The following TMCC1 variants were observed in gnomAD, a reference collection of about 807,000 sequenced individuals.
TMCC1 encodes transmembrane and coiled-coil domain family 1.
TMCC1 carries 15 observed loss-of-function variants against 52.4 expected under a neutral mutation model. The ratio of observed to expected loss-of-function variants is 0.29; its 90% CI spans 0.19 to 0.44. TMCC1 has a LOEUF of 0.44. Ranked by LOEUF, TMCC1 falls within the 20% of genes least tolerant of loss-of-function variation. The pLI, the probability that TMCC1 is intolerant of heterozygous loss-of-function variation, is 1.00. For synonymous variants in TMCC1, 279 were observed against 301.9 expected, an observed-to-expected ratio of 0.92 and a Z score of 0.79; for missense variants, 503 against 806.0, an observed-to-expected ratio of 0.62 and a Z score of 4.55.
At chr3:129,785,299 T>G (rs974522192) in intron 4 of TMCC1, among the ~76,000 whole-genome samples, 4 of 152,168 alleles carry the variant, frequency 2.6e-5, no homozygotes, top group African/African-American at 4.8e-5. Context: ...ACCTAACTCA[T>G]GACCCCCAAT....
intron 5 of TMCC1, 85 bp downstream of exon 5, chr3:129,670,243 TAA>T: frequency 7.1e-7 from 1 of 1,405,434 alleles, no homozygotes; most frequent in South Asian, 1.4e-5. Context: ...TAGAGAAAGA[TAA>T]AGACTTTTAA....
chr3:129,654,880 C>T, intron 6 of TMCC1, 88 bp downstream of exon 6: 7 of 1,404,174 alleles, frequency 5.0e-6, no homozygotes, highest in Non-Finnish European at 3.9e-6. Context: ...TTGTTCTCTA[C>T]CTTCTCATCT....
At chr3:129,720,492 AAAACCTTGAGAGGT>A (rs2049484866) in intron 4 of TMCC1, among the ~76,000 whole-genome samples, 1 of 152,120 alleles carries the variant, frequency 6.6e-6, no homozygotes, top group Non-Finnish European at 1.5e-5. Context: ...AAAATAAAAT[AAAACCTTGAGAGGT>A]CCAGCCAACA....
intron 4 of TMCC1, among the ~76,000 whole-genome samples, chr3:129,713,079 T>C (rs542350826): frequency 7.9e-5 from 12 of 151,736 alleles, no homozygotes; most frequent in African/African-American, 2.4e-4. Flanking sequence ...CTGGGCAACA[T>C]AGTGAGACCC....
intron 4 of TMCC1, among the ~76,000 whole-genome samples, chr3:129,795,537 GGAA>G (rs1205376584): frequency 1.3e-5 from 2 of 152,060 alleles, no homozygotes; most frequent in Non-Finnish European, 2.9e-5. Context: ...AGCCTTTGTT[GGAA>G]TGAACCTACT....
chr3:129,795,998 C>T (rs1263867802), intron 4 of TMCC1, among the ~76,000 whole-genome samples: 1 of 152,176 alleles, frequency 6.6e-6, no homozygotes, highest in Non-Finnish European at 1.5e-5. Flanking sequence ...TCTTACTATG[C>T]CTAATTTCTG....
chr3:129,841,337 G>A (rs774810067), intron 2 of TMCC1, among the ~76,000 whole-genome samples: 9 of 152,116 alleles, frequency 5.9e-5, no homozygotes, highest in Non-Finnish European at 1.2e-4. Flanking sequence ...CTGTAATCCC[G>A]GCACTTTGGG....
intron 3 of TMCC1, among the ~76,000 whole-genome samples, chr3:129,831,645 G>T (rs1261088535): frequency 1.3e-5 from 2 of 152,094 alleles, no homozygotes; most frequent in Non-Finnish European, 2.9e-5. Context: ...AATCTTTAAG[G>T]CCACCAAAGT....
chr3:129,675,262 C>T (rs1259346594), intron 4 of TMCC1, among the ~76,000 whole-genome samples: 1 of 152,186 alleles, frequency 6.6e-6, no homozygotes, highest in Non-Finnish European at 1.5e-5. Flanking sequence ...CAAGGAAAGG[C>T]ACAAATCCAA....
chr3:129,762,359 T>C (rs2053681778), intron 4 of TMCC1, among the ~76,000 whole-genome samples: 1 of 152,122 alleles, frequency 6.6e-6, no homozygotes, highest in African/African-American at 2.4e-5. Flanking sequence ...CAAATGTTTT[T>C]ATGTGACTAC....
intron 4 of TMCC1, among the ~76,000 whole-genome samples, chr3:129,763,771 A>G (rs141385452): frequency 2.0e-5 from 3 of 151,922 alleles, no homozygotes; most frequent in Admixed American, 6.6e-5. Flanking sequence ...GGTTGTAGTG[A>G]GCTAAGATAG....
Position 129,833,944 on chromosome 3 carries a change from T to C in TMCC1, c.-183-1118A>G, listed in dbSNP as rs910610920. Reference sequence around the variant, plus strand: ...ATTTTTGAGACATCTGCCATGTACCTAGCATTATACAGACCAAATAAAGCA... The same window carrying C: ...ATTTTTGAGACATCTGCCATGTACCCAGCATTATACAGACCAAATAAAGCA... On this transcript the variant is annotated intron_variant, in intron 2 of 6. Transcript: ENST00000393238. Among the ~76,000 whole-genome samples the C allele has an allele frequency of 2.0e-5, 3 of 152,174 alleles. No individual in the cohort carries two copies. In the East Asian group the frequency reaches 5.8e-4, roughly 29 times the overall value.
intron 4 of TMCC1, among the ~76,000 whole-genome samples, chr3:129,749,176 A>C (rs185839515): frequency 1.2e-3 from 179 of 152,110 alleles, no homozygotes; most frequent in African/African-American, 3.7e-3. Context: ...TATATTAGTA[A>C]GGAATCTGGG....
At chr3:129,712,965 T>C (rs894826514) in intron 4 of TMCC1, among the ~76,000 whole-genome samples, 2 of 152,098 alleles carry the variant, frequency 1.3e-5, no homozygotes, top group African/African-American at 2.4e-5. Flanking sequence ...AATCTTCATT[T>C]AAGAGACAAC....
chr3:129,676,368 A>G lies in TMCC1; in HGVS notation c.577-5104T>C, dbSNP rs532007712. Among the ~76,000 whole-genome samples the G allele has an allele frequency of 1.1e-4, 17 of 152,356 alleles. No individual in the cohort carries two copies. In the South Asian group the frequency reaches 1.7e-3, roughly 15 times the overall value. On this transcript the variant is annotated intron_variant, in intron 4 of 6. Coordinates refer to ENST00000393238, the MANE Select transcript of TMCC1 (RefSeq NM_001017395.5). Reference sequence around the variant, plus strand: ...GGCAATGCGCTAAAAAGCTAGGGATATGGTCAGAAGCCACAATTCTGATCT... The same window carrying G: ...GGCAATGCGCTAAAAAGCTAGGGATGTGGTCAGAAGCCACAATTCTGATCT...
At chr3:129,678,156 G>A (rs987435033) in intron 4 of TMCC1, among the ~76,000 whole-genome samples, 1 of 151,984 alleles carries the variant, frequency 6.6e-6, no homozygotes, top group Non-Finnish European at 1.5e-5. Context: ...CTGGCCTCAA[G>A]TGATCCACCC....
At chr3:129,656,874 G>T (rs2086700768) in intron 5 of TMCC1, 1 of 152,124 alleles carries the variant, frequency 6.6e-6, no homozygotes, top group Non-Finnish European at 1.5e-5. Flanking sequence ...TCAGGAACAG[G>T]TCCCATCCCT....
At chr3:129,884,083 A>G (rs1185523650) in intron 1 of TMCC1, among the ~76,000 whole-genome samples, 1 of 152,098 alleles carries the variant, frequency 6.6e-6, no homozygotes, top group East Asian at 1.9e-4. Flanking sequence ...AAAACAAATT[A>G]AAGTCTTCAG....
Position 129,805,944 on chromosome 3 carries a change from CA to C in TMCC1, c.576+21858del, listed in dbSNP as rs924381989. Among the ~76,000 whole-genome samples the C allele has an allele frequency of 1.3e-5, 2 of 151,502 alleles. 1 individual carries two copies. Among genetic ancestry groups the C allele is most frequent in the South Asian group, 4.2e-4 (2 of 4,812 alleles). On this transcript the variant is annotated intron_variant, in intron 4 of 6. Transcript: ENST00000393238. ...AAGACCCTGTCTCTTCAAAAAAAAA[CA>C]AAAAAACAAAAAACAATTATATAGC... is the stretch of plus-strand genomic sequence containing the variant.
Sources: allele counts gnomAD v4.1 joint callset (sites outside exome capture counted in the v4.1 genomes callset), GRCh38; gene constraint gnomAD v4.1.1; transcripts MANE v1.5; gene names NCBI Gene and HGNC (gene_info 2026-07-23, HGNC 2026-07-21).